The following ADAMTSL3 variants were observed in gnomAD, a reference collection of about 807,000 sequenced individuals.
ADAMTSL3 encodes ADAMTS-like protein 3.
In ADAMTSL3, 128 loss-of-function variants were observed where a neutral mutation model predicts 201.7. The ratio of observed to expected loss-of-function variants is 0.63; its 90% confidence interval spans 0.55 to 0.73. ADAMTSL3 has a LOEUF of 0.73. Among genes scored for constraint, ADAMTSL3 ranks in the 30% least tolerant of loss-of-function variants. The pLI is 0.00. For synonymous variants in ADAMTSL3, 738 were observed against 748.4 expected (o/e 0.99, Z 0.23); for missense variants, 1,990 against 2,119.6 (o/e 0.94, Z 1.20).
At chr15:83,732,573 A>G (rs907842018) in intron 3 of ADAMTSL3, among the ~76,000 whole-genome samples, 1 of 152,152 alleles carries the variant, frequency 6.6e-6, no homozygotes. Context: ...TTGCTTTGAC[A>G]TTTATTAATG....
intron 8 of ADAMTSL3, among the ~76,000 whole-genome samples, chr15:83,863,769 CAG>C (rs1264204339): frequency 6.6e-6 from 1 of 151,978 alleles, no homozygotes; most frequent in Non-Finnish European, 1.5e-5. Context: ...AAGATCAGAG[CAG>C]AACTGAAGGA....
chr15:84,038,304 T>A lies in ADAMTSL3; in HGVS notation c.*498T>A, dbSNP rs2068546403. On this transcript the variant is annotated 3_prime_UTR_variant, in exon 30 of 30. Transcript: ENST00000286744. ...TTGGCATTAATGGCATTTTCATAGA[T>A]CCTTGGTTTAGTCTGTGAAAAAGAA... 6.5e-6 allele frequency: 1 copy of A among 153,202 alleles called. No homozygotes were observed. The highest frequency in any genetic ancestry group is 2.0e-4 in the South Asian group (1 of 4,890). The allele number at this position is 153,202 out of a possible 1,614,324, so 9.5% of individuals were successfully genotyped here.
rs28391253 is a variant in ADAMTSL3 at position 83,701,875 on chromosome 15, G to T, written c.70-2514G>T. Among the ~76,000 whole-genome samples, 4 of 152,250 alleles carry T rather than the reference G, an allele frequency of 2.6e-5. No homozygotes were observed. The East Asian group carries it at 5.8e-4, about 22-fold the overall frequency. On this transcript the variant is annotated intron_variant, in intron 2 of 29. Transcript: ENST00000286744. ...TGCTGCTGAAAAGATACCTGAAAAT[G>T]TAGAAGCAACTTTGGAACTGGGTAA...
chr15:83,710,698 G>C (rs79418219), intron 3 of ADAMTSL3, among the ~76,000 whole-genome samples: 43,624 of 152,034 alleles, frequency 0.29, 6,549 homozygotes, highest in South Asian at 0.55. Flanking sequence ...ATGATTCCTT[G>C]TTTCAATATG....
intron 2 of ADAMTSL3, among the ~76,000 whole-genome samples, chr15:83,684,521 G>A (rs2061512381): frequency 1.3e-5 from 2 of 152,114 alleles, no homozygotes; most frequent in South Asian, 2.1e-4. Context: ...CTATAGTTGT[G>A]CCTGTGAATA....
chr15:83,710,668 G>A (rs1011523246), intron 3 of ADAMTSL3, among the ~76,000 whole-genome samples: 2 of 152,182 alleles, frequency 1.3e-5, no homozygotes, highest in Non-Finnish European at 2.9e-5. Context: ...TTCCTGGGAT[G>A]TCATTGGCTG....
At chr15:83,827,109 C>T (rs2064040954) in intron 6 of ADAMTSL3, among the ~76,000 whole-genome samples, 4 of 152,238 alleles carry the variant, frequency 2.6e-5, no homozygotes, top group South Asian at 2.1e-4. Flanking sequence ...ATGGTTGAAC[C>T]AGTTTACAGT....
At chr15:83,822,884 C>T (rs535884755) in intron 6 of ADAMTSL3, among the ~76,000 whole-genome samples, 3 of 152,114 alleles carry the variant, frequency 2.0e-5, no homozygotes, top group Non-Finnish European at 2.9e-5. Context: ...GATCACGCCA[C>T]TGCACTCCAG....
intron 19 of ADAMTSL3, among the ~76,000 whole-genome samples, chr15:83,968,131 T>C (rs534889257): frequency 6.6e-6 from 1 of 152,274 alleles, no homozygotes; most frequent in Admixed American, 6.5e-5. Flanking sequence ...GGGCAAAGAC[T>C]TCATGACTAA....
intron 19 of ADAMTSL3, among the ~76,000 whole-genome samples, chr15:83,966,731 A>G (rs1342181871): frequency 2.0e-5 from 3 of 152,210 alleles, no homozygotes; most frequent in Non-Finnish European, 4.4e-5. Flanking sequence ...AACAAAAAAA[A>G]AGAAAATTTC....
intron 2 of ADAMTSL3, among the ~76,000 whole-genome samples, chr15:83,681,068 C>T (rs1423863851): frequency 6.6e-6 from 1 of 152,204 alleles, no homozygotes; most frequent in African/African-American, 2.4e-5. Context: ...ATAGCCCTAT[C>T]ACTATTTGCA....
At chr15:83,960,400 C>T (rs2066944507) in intron 19 of ADAMTSL3, among the ~76,000 whole-genome samples, 2 of 152,134 alleles carry the variant, frequency 1.3e-5, no homozygotes, top group Admixed American at 1.3e-4. Context: ...AATATTTCCT[C>T]AGGCGCCGAG....
rs1410089131 is a variant in ADAMTSL3 at position 83,942,678 on chromosome 15, G to T, written c.2200G>T (p.Gly734Trp). ...QTRDVYCLHP[G>W]ETPAPPEECR... ...CCGAGATGTGTACTGCCTGCACCCAGGGGAGACCCCTGCCCCTCCTGAGGA... is the reference window on the plus strand; with the variant it reads ...CCGAGATGTGTACTGCCTGCACCCATGGGAGACCCCTGCCCCTCCTGAGGA... Residue 734 changes from glycine (G) to tryptophan (W), a missense_variant, in exon 18 of 30, where the codon GGG becomes TGG. Coordinates refer to ENST00000286744, the MANE Select transcript of ADAMTSL3 (RefSeq NM_207517.3). 6.2e-7 allele frequency: 1 copy of T among 1,614,108 alleles called. No homozygotes were observed. The highest frequency in any genetic ancestry group is 1.1e-5 in the South Asian group (1 of 91,086).
chr15:83,822,612 A>G (rs1373814922), intron 6 of ADAMTSL3, among the ~76,000 whole-genome samples: 1 of 146,208 alleles, frequency 6.8e-6, no homozygotes, highest in Non-Finnish European at 1.5e-5. Flanking sequence ...CCGGGCAGAG[A>G]CGCTCCTCAC....
chr15:83,970,387 A>G, intron 19 of ADAMTSL3, 97 bp from the exon 20 acceptor site: 1 of 1,444,328 alleles, frequency 6.9e-7, no homozygotes, highest in East Asian at 2.3e-5. Context: ...TCCGTACTGA[A>G]AATTTCCTCT....
At chr15:83,979,581 G>A (rs185372451) in intron 20 of ADAMTSL3, among the ~76,000 whole-genome samples, 19 of 152,270 alleles carry the variant, frequency 1.2e-4, no homozygotes, top group African/African-American at 4.6e-4. Context: ...CACTAATTTG[G>A]CTCCAAACTT....
chr15:83,790,950 G>T (rs1883416448), intron 4 of ADAMTSL3, among the ~76,000 whole-genome samples: 1 of 152,186 alleles, frequency 6.6e-6, no homozygotes, highest in South Asian at 2.1e-4. Flanking sequence ...AACAGAACAT[G>T]TATAGGACTT....
intron 8 of ADAMTSL3, among the ~76,000 whole-genome samples, chr15:83,865,930 C>A (rs1279835480): frequency 6.6e-6 from 1 of 151,630 alleles, no homozygotes; most frequent in Non-Finnish European, 1.5e-5. Flanking sequence ...AAAAACAGCC[C>A]CATCAAAAAG....
intron 3 of ADAMTSL3, among the ~76,000 whole-genome samples, chr15:83,763,360 C>T (rs2141712348): frequency 6.6e-6 from 1 of 152,022 alleles, no homozygotes; most frequent in African/African-American, 2.4e-5. Flanking sequence ...TAATTATTGC[C>T]ATGCTGTGAT....
Sources: allele counts gnomAD v4.1 joint callset (sites outside exome capture counted in the v4.1 genomes callset), GRCh38; gene constraint gnomAD v4.1.1; transcripts MANE v1.5; gene names NCBI Gene and HGNC (gene_info 2026-07-23, HGNC 2026-07-21).